ZBTB20: variants seen among roughly 807,000 people sequenced by gnomAD.
ZBTB20 encodes the protein zinc finger and BTB domain containing 20, also known as zinc finger and BTB domain-containing protein 20.
ZBTB20 carries 9 observed loss-of-function variants against 56.9 expected under a neutral mutation model. The ratio of observed to expected loss-of-function variants is 0.16; its 90% CI spans 0.10 to 0.28. ZBTB20 has a LOEUF of 0.28. ZBTB20 is among the 10% of genes least tolerant of loss of function. ZBTB20 has a pLI of 1.00. For synonymous variants in ZBTB20, 417 were observed against 420.7 expected (o/e 0.99, Z 0.11); for missense variants, 655 against 1,003.0 (o/e 0.65, Z 4.69).
chr3:114,852,518 C>G (rs2107427228), intron 4 of ZBTB20, among the ~76,000 whole-genome samples: 1 of 152,266 alleles, frequency 6.6e-6, no homozygotes, highest in South Asian at 2.1e-4. Context: ...CCCGCCGCAG[C>G]CTCCCAAACT....
chr3:114,512,611 C>T (rs980414919), intron 6 of ZBTB20, among the ~76,000 whole-genome samples: 5 of 152,130 alleles, frequency 3.3e-5, no homozygotes, highest in African/African-American at 1.2e-4. Context: ...GTGAGCTATA[C>T]TATCAACACA....
intron 2 of ZBTB20, among the ~76,000 whole-genome samples, chr3:115,007,356 GAA>G (rs933998965): frequency 6.6e-6 from 1 of 151,494 alleles, no homozygotes; most frequent in Non-Finnish European, 1.5e-5. Flanking sequence ...AAAAAAAAGA[GAA>G]AGAGAAAAAA....
intron 7 of ZBTB20, among the ~76,000 whole-genome samples, chr3:114,458,506 A>G (rs750150503): frequency 6.6e-6 from 1 of 152,158 alleles, no homozygotes; most frequent in Non-Finnish European, 1.5e-5. Context: ...CAGAATTCCA[A>G]TCACATTTTT....
At position 114,436,272 on chromosome 3, in the gene ZBTB20, G is replaced by A. The variant is rs531878957; in HGVS notation, c.-254-47167C>T. ...GTTAAAGAGAAATGACCAGAAGAAA[G>A]GAAAGCTGGCTGGGGTGGATGGAGG... On this transcript the variant is annotated intron_variant, in intron 7 of 11. Coordinates refer to ENST00000675478, the MANE Select transcript of ZBTB20 (RefSeq NM_001348800.3). 3.9e-5 allele frequency among the ~76,000 whole-genome samples: 6 copies of A among 152,238 alleles called. No homozygotes were observed. The East Asian group carries it at 1.2e-3, about 29-fold the overall frequency.
chr3:114,604,204 T>G (rs1276588443), intron 6 of ZBTB20, among the ~76,000 whole-genome samples: 6 of 151,938 alleles, frequency 3.9e-5, no homozygotes, highest in Non-Finnish European at 8.8e-5. Flanking sequence ...ATAAAAGAGA[T>G]TAAGGCAGTT....
intron 3 of ZBTB20, among the ~76,000 whole-genome samples, chr3:114,927,416 G>T (rs79950660): frequency 0.093 from 14,221 of 152,228 alleles, 757 homozygotes; most frequent in Admixed American, 0.19. Flanking sequence ...TGTGTCATGG[G>T]CATGTGTCCT....
intron 1 of ZBTB20, among the ~76,000 whole-genome samples, chr3:115,137,349 A>T (rs1273615847): frequency 6.6e-6 from 1 of 152,090 alleles, no homozygotes; most frequent in Non-Finnish European, 1.5e-5. Context: ...ACATGACAGA[A>T]GTACTTGGTT....
chr3:114,907,519 G>A (rs9289005), intron 3 of ZBTB20, among the ~76,000 whole-genome samples: 3 of 151,772 alleles, frequency 2.0e-5, no homozygotes, highest in African/African-American at 7.2e-5. Context: ...ACTTCTCAGG[G>A]AATATCTACC....
At chr3:114,846,853 C>T (rs2107373130) in intron 4 of ZBTB20, among the ~76,000 whole-genome samples, 1 of 152,132 alleles carries the variant, frequency 6.6e-6, no homozygotes, top group South Asian at 2.1e-4. Flanking sequence ...AAAATGACTC[C>T]ACCATAAGTG....
chr3:114,402,643 C>T (rs182743884), intron 7 of ZBTB20, among the ~76,000 whole-genome samples: 77 of 152,258 alleles, frequency 5.1e-4, no homozygotes, highest in Non-Finnish European at 1.1e-3. Flanking sequence ...TGGAACATGG[C>T]TGTTGGGACT....
At chr3:114,390,914 G>A (rs749417469) in intron 7 of ZBTB20, among the ~76,000 whole-genome samples, 20 of 151,966 alleles carry the variant, frequency 1.3e-4, no homozygotes, top group African/African-American at 2.9e-4. Context: ...TTCTCTAGAC[G>A]TCCCATTTCC....
At chr3:114,871,707 C>G (rs1035136204) in intron 4 of ZBTB20, among the ~76,000 whole-genome samples, 4 of 152,270 alleles carry the variant, frequency 2.6e-5, no homozygotes, top group South Asian at 2.1e-4. Flanking sequence ...TCCAGATGTT[C>G]TTTCTGACAT....
chr3:114,401,736 A>G lies in ZBTB20; in HGVS notation c.-254-12631T>C, dbSNP rs560937419. Among the ~76,000 whole-genome samples, 6 of 152,214 alleles carry G rather than the reference A, an allele frequency of 3.9e-5. No individual in the cohort carries two copies. The East Asian group carries it at 9.7e-4, about 25-fold the overall frequency. On this transcript the variant is annotated intron_variant, in intron 7 of 11. Coordinates refer to ENST00000675478, the MANE Select transcript of ZBTB20 (RefSeq NM_001348800.3). ...CTTGATCCCCACTCAGCTACCCATT[A>G]AGGTGGCTACTGAAATAAAAAAAAA...
In ZBTB20 at chr3:114,359,908, A is replaced by C. The variant is rs775485054; in HGVS notation, c.200-8030T>G. Among the ~76,000 whole-genome samples, 5 of 152,212 alleles carry C rather than the reference A, an allele frequency of 3.3e-5. No homozygotes were observed. The South Asian group carries it at 1.0e-3, about 32-fold the overall frequency. On this transcript the variant is annotated intron_variant, in intron 10 of 11. Transcript: ENST00000675478. The stretch of plus-strand genomic sequence containing the variant: ...GTTCTTGTGGTCTCTACATAATCAT[A>C]TACTTATTTTATAGAAAAAACAGAT...
chr3:114,843,056 T>C (rs908208726), intron 4 of ZBTB20, among the ~76,000 whole-genome samples: 8 of 152,218 alleles, frequency 5.3e-5, no homozygotes, highest in African/African-American at 1.9e-4. Flanking sequence ...TCTCTTTTTC[T>C]GTCCTTCTGC....
chr3:114,370,779 TG>T (rs2082911155), intron 10 of ZBTB20, among the ~76,000 whole-genome samples: 1 of 152,240 alleles, frequency 6.6e-6, no homozygotes, highest in Admixed American at 6.5e-5. Flanking sequence ...TTGTCTCCAC[TG>T]GGAACACCTG....
chr3:114,889,152 G>C (rs1475410088), intron 4 of ZBTB20, among the ~76,000 whole-genome samples: 1 of 151,780 alleles, frequency 6.6e-6, no homozygotes, highest in Non-Finnish European at 1.5e-5. Context: ...CTAATGCACA[G>C]AAATCCTTTC....
In ZBTB20 at chr3:114,879,208, A is replaced by G. The variant is rs150192514; in HGVS notation, c.-417+21096T>C. Among the ~76,000 whole-genome samples the G allele has an allele frequency of 6.5e-3, 994 of 152,290 alleles. 8 individuals are homozygous for G. Among genetic ancestry groups the G allele is most frequent in the African/African-American group, 0.021 (886 of 41,540 alleles). ...CTGCAGAATGCCCACATAATTTGGA[A>G]CCTTTAGCAGCCAAACAGATTGCAC... On this transcript the variant is annotated intron_variant, in intron 4 of 11. Coordinates refer to ENST00000675478, the MANE Select transcript of ZBTB20 (RefSeq NM_001348800.3).
chr3:115,108,129 T>C (rs2083776389), intron 1 of ZBTB20, among the ~76,000 whole-genome samples: 1 of 151,734 alleles, frequency 6.6e-6, no homozygotes, highest in Admixed American at 6.6e-5. Flanking sequence ...GTTCTGTGCA[T>C]GTATCCTGGA....
Sources: allele counts gnomAD v4.1 joint callset (sites outside exome capture counted in the v4.1 genomes callset), GRCh38; gene constraint gnomAD v4.1.1; transcripts MANE v1.5; gene names NCBI Gene and HGNC (gene_info 2026-07-23, HGNC 2026-07-21).